Variants in METTL8 observed in about 807,000 individuals in gnomAD.
METTL8 encodes the protein tRNA N(3)-cytidine methyltransferase METTL8, mitochondrial.
Under a neutral mutation model 48.7 loss-of-function variants are expected in METTL8, and 32 were observed. The ratio of observed to expected loss-of-function variants is 0.66; its 90% CI spans 0.50 to 0.88. METTL8 has a LOEUF of 0.88. Among genes scored for constraint, METTL8 ranks in the 40% least tolerant of loss-of-function variants. METTL8 has a pLI of 0.00. For synonymous variants in METTL8, 136 were observed against 157.1 expected, an observed-to-expected ratio of 0.87 and a Z score of 1.01; for missense variants, 464 against 474.4, an observed-to-expected ratio of 0.98 and a Z score of 0.20.
chr2:171,319,793 AT>A lies in METTL8; in HGVS notation c.*4378del, dbSNP rs1684440341. On this transcript the variant is annotated 3_prime_UTR_variant, in exon 10 of 10. Coordinates refer to ENST00000375258, the MANE Select transcript of METTL8 (RefSeq NM_001321154.2). ...GTTCCTCATGTGTGAGAATTTTTAC[AT>A]TTGGACGATGCTCAAAAGTGAATTT... 6.6e-6 allele frequency: 1 copy of A among 152,204 alleles called. No individual in the cohort carries two copies. The highest frequency in any genetic ancestry group is 2.4e-5 in the African/African-American group (1 of 41,466). The allele number at this position is 152,204 out of a possible 1,614,324, so 9.4% of individuals were successfully genotyped here.
At chr2:171,376,239 C>T (rs1686949812) in intron 2 of METTL8, among the ~76,000 whole-genome samples, 1 of 152,118 alleles carries the variant, frequency 6.6e-6, no homozygotes, top group African/African-American at 2.4e-5. Context: ...TTGTGTAAAA[C>T]ATTATCTTCA....
intron 7 of METTL8, among the ~76,000 whole-genome samples, chr2:171,328,051 T>C (rs1432986962): frequency 6.6e-6 from 1 of 152,200 alleles, no homozygotes; most frequent in Non-Finnish European, 1.5e-5. Context: ...CTTTTCTTGC[T>C]CATCTCATCT....
intron 3 of METTL8, among the ~76,000 whole-genome samples, chr2:171,357,692 T>C (rs926330525): frequency 5.9e-5 from 9 of 151,806 alleles, no homozygotes; most frequent in Admixed American, 3.3e-4. Flanking sequence ...CCTGAAATTT[T>C]TCTCTCTCTT....
At chr2:171,401,164 C>A (rs1028732864) in intron 1 of METTL8, among the ~76,000 whole-genome samples, 3 of 152,058 alleles carry the variant, frequency 2.0e-5, no homozygotes, top group Non-Finnish European at 2.9e-5. Flanking sequence ...CTAAACATTA[C>A]CTGAGAGGCT....
chr2:171,362,599 A>AATC (rs1559112588), intron 2 of METTL8, among the ~76,000 whole-genome samples: 10 of 151,538 alleles, frequency 6.6e-5, no homozygotes, highest in African/African-American at 1.7e-4. Context: ...ATAAATAAAT[A>AATC]AATCAAAATT....
Position 171,334,230 on chromosome 2 carries a change from C to T in METTL8, c.657-2363G>A, listed in dbSNP as rs187267968. The stretch of plus-strand genomic sequence containing the variant: ...TACCACATACCCATAAGATATAGAA[C>T]AGTCTACGAGCTAAAGGAAAGCATG... On this transcript the variant is annotated intron_variant, in intron 5 of 9. Coordinates refer to ENST00000375258, the MANE Select transcript of METTL8 (RefSeq NM_001321154.2). Among the ~76,000 whole-genome samples the T allele has an allele frequency of 1.6e-3, 244 of 152,282 alleles. 6 individuals are homozygous for T. Among genetic ancestry groups the T allele is most frequent in the Admixed American group, 0.015 (231 of 15,292 alleles).
intron 4 of METTL8, among the ~76,000 whole-genome samples, chr2:171,338,562 C>T (rs1341600269): frequency 6.6e-6 from 1 of 151,714 alleles, no homozygotes; most frequent in African/African-American, 2.4e-5. Context: ...ATTGCTTGAA[C>T]CCGGGAGGCA....
chr2:171,366,790 AG>A (rs753056660), intron 2 of METTL8, among the ~76,000 whole-genome samples: 1 of 150,666 alleles, frequency 6.6e-6, no homozygotes, highest in East Asian at 2.0e-4. Flanking sequence ...GCACTTTGGG[AG>A]GCTGAAGTAG....
At position 171,331,828 on chromosome 2, in the gene METTL8, A is replaced by C. The variant is rs11891595; in HGVS notation, c.696T>G (p.Ala232=). The C allele has an allele frequency of 3.6e-3, 5,743 of 1,605,062 alleles. 200 individuals are homozygous for C. In the African/African-American group the frequency reaches 0.068, roughly 19 times the overall value. Residue 232 remains alanine (A), a synonymous_variant, in exon 6 of 10, where the codon GCT becomes GCG. Transcript: ENST00000375258. ...CCTTTACGAGCTCCACAGCTCCAGAAGCAAAATCACAACAATACAGAAAGG... is the reference window on the plus strand; with the variant it reads ...CCTTTACGAGCTCCACAGCTCCAGACGCAAAATCACAACAATACAGAAAGG... ...PESFLYCCDF[A]SGAVELVKSH... is the part of the protein sequence containing the mutation.
chr2:171,339,134 C>G (rs773967542), intron 4 of METTL8, 50 bp downstream of exon 4: 1 of 1,397,906 alleles, frequency 7.2e-7, no homozygotes, highest in Non-Finnish European at 9.4e-7. Flanking sequence ...ACAGAATGTA[C>G]ATTTTCAAAT....
At chr2:171,421,582 C>A (rs1691884418) in intron 1 of METTL8, among the ~76,000 whole-genome samples, 1 of 152,138 alleles carries the variant, frequency 6.6e-6, no homozygotes, top group Non-Finnish European at 1.5e-5. Flanking sequence ...TATAAAACTT[C>A]ACTGAGCCAC....
intron 2 of METTL8, among the ~76,000 whole-genome samples, chr2:171,373,986 C>T (rs1186812599): frequency 6.6e-6 from 1 of 152,040 alleles, no homozygotes; most frequent in Non-Finnish European, 1.5e-5. Context: ...TCCATGTGAA[C>T]TTTAAAGTAG....
chr2:171,374,704 C>T (rs1218636206), intron 2 of METTL8, among the ~76,000 whole-genome samples: 2 of 143,716 alleles, frequency 1.4e-5, no homozygotes, highest in African/African-American at 5.1e-5. Context: ...GATTTGCCTT[C>T]TGTCTCTATA....
chr2:171,412,702 T>C (rs1301003659), intron 1 of METTL8, among the ~76,000 whole-genome samples: 1 of 152,118 alleles, frequency 6.6e-6, no homozygotes, highest in Non-Finnish European at 1.5e-5. Context: ...GATCACTGTC[T>C]TCTTCACCAA....
At chr2:171,428,740 G>A (rs984745630) in intron 1 of METTL8, among the ~76,000 whole-genome samples, 3 of 152,156 alleles carry the variant, frequency 2.0e-5, no homozygotes, top group Non-Finnish European at 4.4e-5. Context: ...TACTAACCAA[G>A]CTGGAGGAGT....
rs1256496613 is a variant in METTL8, at chr2:171,318,280, A to G, written c.*5892T>C. On this transcript the variant is annotated 3_prime_UTR_variant, in exon 10 of 10. Coordinates refer to ENST00000375258, the MANE Select transcript of METTL8 (RefSeq NM_001321154.2). ...ATTCCAAGAAACCGTATTCCAAGAA[A>G]TGCTCAACATTTCATGCCTGAATTG... The G allele has an allele frequency of 6.6e-6, 1 of 152,246 alleles. No homozygotes were observed. Among genetic ancestry groups the G allele is most frequent in the East Asian group, 1.9e-4 (1 of 5,204 alleles). 9.4% of individuals were successfully genotyped at this position (152,246 alleles called of 1,614,324 possible). A position where few individuals can be genotyped will look rare whatever the true frequency, so the allele number is the denominator to read the frequency against.
In METTL8 at chr2:171,325,896, T is replaced by C. The variant is rs779849767; in HGVS notation, c.978A>G (p.Leu326=). Residue 326 remains leucine, a synonymous_variant, in exon 9 of 10, where the codon TTA becomes TTG. Coordinates refer to ENST00000375258, the MANE Select transcript of METTL8 (RefSeq NM_001321154.2). ...CTCCTCGAACATAAAAATTTTCAGATAAACAATGTCCTGAAAAAAATTGTG... is the reference window on the plus strand; with the variant it reads ...CTCCTCGAACATAAAAATTTTCAGACAAACAATGTCCTGAAAAAAATTGTG... ...TQLRFKKGHC[L]SENFYVRGDG... is the part of the protein sequence containing the mutation. 2.5e-6 allele frequency: 4 copies of C among 1,599,304 alleles called. 1 individual carries two copies. In the South Asian group the frequency reaches 4.5e-5, roughly 18 times the overall value.
intron 2 of METTL8, among the ~76,000 whole-genome samples, chr2:171,376,539 T>C (rs1334365256): frequency 6.6e-6 from 1 of 152,210 alleles, no homozygotes; most frequent in Non-Finnish European, 1.5e-5. Context: ...TCAGGAGCAC[T>C]GCTATACACC....
intron 2 of METTL8, among the ~76,000 whole-genome samples, chr2:171,380,220 A>C (rs1412576955): frequency 6.6e-6 from 1 of 152,198 alleles, no homozygotes; most frequent in Non-Finnish European, 1.5e-5. Flanking sequence ...AAAAACTCTC[A>C]ATGAACTAGG....
Sources: gnomAD v4.1 joint callset for allele counts (sites outside exome capture counted in the v4.1 genomes callset) on GRCh38, gnomAD v4.1.1 for gene constraint, MANE v1.5 for transcripts, NCBI Gene and HGNC (gene_info 2026-07-23, HGNC 2026-07-21) for gene names.